Variants in DMRT1 observed in about 807,000 individuals in gnomAD.
DMRT1 encodes doublesex and mab-3 related transcription factor 1, also known as doublesex- and mab-3-related transcription factor 1.
A neutral mutation model predicts 32.3 loss-of-function variants in DMRT1; 7 were observed. The ratio of observed to expected loss-of-function variants is 0.22; its 90% confidence interval spans 0.12 to 0.41. The LOEUF is 0.41. Ranked by LOEUF, DMRT1 falls within the 10% of genes least tolerant of loss-of-function variation. DMRT1 has a pLI of 1.00. For missense variants in DMRT1, 625 were observed against 500.5 expected, an observed-to-expected ratio of 1.25 and a Z score of -2.37; for synonymous variants, 278 against 206.1, an observed-to-expected ratio of 1.35 and a Z score of -2.99.
At chr9:849,106 T>C (rs890357157) in intron 2 of DMRT1, among the ~76,000 whole-genome samples, 2 of 151,706 alleles carry the variant, frequency 1.3e-5, no homozygotes, top group Non-Finnish European at 2.9e-5. Flanking sequence ...GTAGGAATTA[T>C]TATCCTCATT....
At chr9:945,288 G>A (rs1442269996) in intron 4 of DMRT1, among the ~76,000 whole-genome samples, 3 of 151,994 alleles carry the variant, frequency 2.0e-5, no homozygotes, top group African/African-American at 7.2e-5. Context: ...TGAGTAGCTG[G>A]GATTACAGGT....
chr9:940,959 G>T (rs186008670), intron 4 of DMRT1, among the ~76,000 whole-genome samples: 1 of 152,222 alleles, frequency 6.6e-6, no homozygotes, highest in East Asian at 1.9e-4. Context: ...TAATCATTAG[G>T]GAATGCAAAT....
chr9:874,780 T>C (rs897177191), intron 2 of DMRT1, among the ~76,000 whole-genome samples: 1 of 146,870 alleles, frequency 6.8e-6, no homozygotes, highest in South Asian at 2.2e-4. Context: ...TTAAAAACAA[T>C]AACAACAACA....
At chr9:872,916 G>A (rs761264071) in intron 2 of DMRT1, among the ~76,000 whole-genome samples, 4 of 152,140 alleles carry the variant, frequency 2.6e-5, no homozygotes, top group Non-Finnish European at 5.9e-5. Flanking sequence ...ACAAAAATTT[G>A]TTCATCTGGG....
chr9:928,791 T>C (rs1457195521), intron 4 of DMRT1, among the ~76,000 whole-genome samples: 2 of 147,820 alleles, frequency 1.4e-5, no homozygotes, highest in East Asian at 3.9e-4. Context: ...TTATGAATAT[T>C]TTATTATACT....
chr9:910,708 C>G (rs373996864), intron 3 of DMRT1, among the ~76,000 whole-genome samples: 1 of 152,162 alleles, frequency 6.6e-6, no homozygotes, highest in African/African-American at 2.4e-5. Context: ...AAAGTTAATA[C>G]TAACACCATG....
At chr9:861,939 T>C (rs1447109108) in intron 2 of DMRT1, among the ~76,000 whole-genome samples, 6 of 109,852 alleles carry the variant, frequency 5.5e-5, no homozygotes, top group Middle Eastern at 5.2e-3. Flanking sequence ...ACATCCCAGA[T>C]GATGGGCGGG....
At chr9:889,628 A>G (rs975292979) in intron 2 of DMRT1, among the ~76,000 whole-genome samples, 1 of 152,198 alleles carries the variant, frequency 6.6e-6, no homozygotes, top group Non-Finnish European at 1.5e-5. Context: ...TATTACTGCC[A>G]TTATTTTGTT....
chr9:866,916 A>C (rs1816016858), intron 2 of DMRT1, among the ~76,000 whole-genome samples: 1 of 152,164 alleles, frequency 6.6e-6, no homozygotes, highest in East Asian at 1.9e-4. Flanking sequence ...GCTTTGAATA[A>C]GCGGCCTTAT....
intron 4 of DMRT1, among the ~76,000 whole-genome samples, chr9:961,724 G>A (rs1296790695): frequency 1.3e-5 from 2 of 152,178 alleles, no homozygotes; most frequent in African/African-American, 4.8e-5. Flanking sequence ...TGTGTGGCCT[G>A]GAATAAACAG....
intron 2 of DMRT1, among the ~76,000 whole-genome samples, chr9:880,812 C>T (rs961716495): frequency 5.9e-5 from 9 of 152,048 alleles, no homozygotes; most frequent in Non-Finnish European, 1.3e-4. Context: ...CCTTCCCCAC[C>T]CTTGCCGCTG....
At chr9:863,385 G>A (rs1386367903) in intron 2 of DMRT1, among the ~76,000 whole-genome samples, 1 of 151,556 alleles carries the variant, frequency 6.6e-6, no homozygotes, top group East Asian at 1.9e-4. Flanking sequence ...AACTAGAGAT[G>A]CCATGACAGA....
At chr9:860,182 A>G (rs1012348233) in intron 2 of DMRT1, among the ~76,000 whole-genome samples, 2 of 152,128 alleles carry the variant, frequency 1.3e-5, no homozygotes, top group Non-Finnish European at 2.9e-5. Flanking sequence ...CTGTAGTCCT[A>G]GCTACTTGGG....
rs146379006 is a variant in DMRT1 at position 965,710 on chromosome 9, C to A, written c.968-2275C>A. Among the ~76,000 whole-genome samples the A allele has an allele frequency of 1.8e-3, 268 of 152,272 alleles. 1 individual carries two copies. Among genetic ancestry groups the A allele is most frequent in the African/African-American group, 6.3e-3 (261 of 41,542 alleles). On this transcript the variant is annotated intron_variant, in intron 4 of 4. Coordinates refer to ENST00000382276, the MANE Select transcript of DMRT1 (RefSeq NM_021951.3). This position sits in a 1 kb window ranked among gnomAD's most constrained non-coding sequence, Gnocchi z 4.5. ...GCCTCTGCATCAGCTTGGCAAAGGTCCGTTGCTTTGCCTCCTTAAACTCAC... is the reference window on the plus strand; with the variant it reads ...GCCTCTGCATCAGCTTGGCAAAGGTACGTTGCTTTGCCTCCTTAAACTCAC...
intron 4 of DMRT1, among the ~76,000 whole-genome samples, chr9:964,719 G>T (rs1179358853): frequency 6.6e-6 from 1 of 152,150 alleles, no homozygotes; most frequent in Non-Finnish European, 1.5e-5. Context: ...CTGACGGTGT[G>T]TTGAGCATCT....
At chr9:863,883 C>G (rs761108867) in intron 2 of DMRT1, among the ~76,000 whole-genome samples, 1 of 152,134 alleles carries the variant, frequency 6.6e-6, no homozygotes, top group Non-Finnish European at 1.5e-5. Context: ...GCCCATTTCT[C>G]TATTGATCCC....
At chr9:916,974 T>C in intron 4 of DMRT1, 67 bp downstream of exon 4, 1 of 1,551,126 alleles carries the variant, frequency 6.4e-7, no homozygotes, top group East Asian at 2.2e-5. Context: ...ATTGGGTCAT[T>C]AGCTGTGTCT....
At chr9:881,440 C>G (rs1175866640) in intron 2 of DMRT1, among the ~76,000 whole-genome samples, 2 of 152,198 alleles carry the variant, frequency 1.3e-5, no homozygotes, top group African/African-American at 4.8e-5. Flanking sequence ...GACAAAACAT[C>G]TATGATCTTA....
intron 2 of DMRT1, among the ~76,000 whole-genome samples, chr9:882,818 C>CTGGA (rs1300244360): frequency 2.8e-5 from 4 of 143,860 alleles, no homozygotes; most frequent in Non-Finnish European, 5.9e-5. Flanking sequence ...GTTGCCCAGG[C>CTGGA]TGGAGTACAG....
Sources: gnomAD v4.1 joint callset for allele counts (sites outside exome capture counted in the v4.1 genomes callset) on GRCh38, gnomAD v4.1.1 for gene constraint, Gnocchi (gnomAD v3.1) non-coding constraint, MANE v1.5 for transcripts, NCBI Gene and HGNC (gene_info 2026-07-23, HGNC 2026-07-21) for gene names.